Variants in AGO3 observed in about 807,000 individuals in gnomAD.
AGO3 encodes the protein protein argonaute-3.
Under a neutral mutation model 105.5 loss-of-function variants are expected in AGO3, and 16 were observed. The observed-to-expected ratio is 0.15, with a 90% confidence interval of 0.10 to 0.23. AGO3 has a LOEUF of 0.23. Among genes scored for constraint, AGO3 ranks in the 10% least tolerant of loss-of-function variants. AGO3 has a pLI of 1.00. For synonymous variants in AGO3, 340 were observed against 367.3 expected, an observed-to-expected ratio of 0.93 and a Z score of 0.85; for missense variants, 534 against 1,088.0, an observed-to-expected ratio of 0.49 and a Z score of 7.16.
intron 1 of AGO3, among the ~76,000 whole-genome samples, chr1:35,936,224 T>C (rs957887187): frequency 6.6e-6 from 1 of 152,054 alleles, no homozygotes; most frequent in Non-Finnish European, 1.5e-5. Flanking sequence ...TCTGTGTTAA[T>C]ATTAATGACT....
At chr1:36,007,996 A>G (rs958093848) in intron 6 of AGO3, among the ~76,000 whole-genome samples, 1 of 152,200 alleles carries the variant, frequency 6.6e-6, no homozygotes, top group African/African-American at 2.4e-5. Context: ...AATTATGTAT[A>G]TGTGCATTTT....
At chr1:36,032,162 A>C (rs1398029005) in intron 12 of AGO3, among the ~76,000 whole-genome samples, 2 of 152,138 alleles carry the variant, frequency 1.3e-5, no homozygotes, top group Non-Finnish European at 2.9e-5. Flanking sequence ...ACCATTTTAC[A>C]TGCCCACCAA....
In AGO3 at chr1:36,008,726, G is replaced by A. The variant is rs202072346; in HGVS notation, c.830G>A (p.Arg277Lys). 15 of 1,614,128 alleles carry A rather than the reference G, an allele frequency of 9.3e-6. No individual in the cohort carries two copies. The highest frequency in any genetic ancestry group is 1.2e-5 in the Non-Finnish European group (14 of 1,180,034). Residue 277 changes from arginine (R) to lysine (K), a missense_variant, in exon 7 of 19, where the codon AGA becomes AAA. Physicochemically the swap from Arg to Lys is conservative, Grantham distance 26. Around this residue, in one of 2 missense-constraint regions of AGO3, gnomAD observed 373 missense variants for 854.0 expected, o/e 0.44. Coordinates refer to ENST00000373191, the MANE Select transcript of AGO3 (RefSeq NM_024852.4). This position sits in a 1 kb window ranked among gnomAD's most constrained non-coding sequence, Gnocchi z 5.1. ...KVEVTHCGTM[R>K]RKYRVCNVTR... is the part of the protein sequence containing the mutation. The stretch of plus-strand genomic sequence containing the variant: ...GAAGTGACTCATTGTGGAACAATGA[G>A]ACGGAAATACCGTGTTTGTAATGTA...
At chr1:35,950,269 C>G (rs1185941673) in intron 2 of AGO3, among the ~76,000 whole-genome samples, 1 of 151,942 alleles carries the variant, frequency 6.6e-6, no homozygotes, top group Non-Finnish European at 1.5e-5. Flanking sequence ...CATAGTGATT[C>G]TCCTCTAAGT....
rs75942600 is a variant in AGO3, at chr1:35,947,660, C to G, written c.191+1797C>G. ...CTGGATGTTCTAGAGGGCTGTTTTC[C>G]TGAACATGGGTTTTTCAGTGCCGTA... On this transcript the variant is annotated intron_variant, in intron 2 of 18. Transcript: ENST00000373191. Among the ~76,000 whole-genome samples, 1,011 of 152,144 alleles carry G rather than the reference C, an allele frequency of 6.6e-3. 8 individuals carry two copies. The highest frequency in any genetic ancestry group is 0.023 in the African/African-American group (959 of 41,502).
chr1:35,946,453 AT>A (rs1384003780), intron 2 of AGO3, among the ~76,000 whole-genome samples: 1 of 152,186 alleles, frequency 6.6e-6, no homozygotes, highest in East Asian at 1.9e-4. Context: ...TATAAGAGGA[AT>A]TTATGATTGG....
At chr1:36,001,538 G>A (rs972641270) in intron 5 of AGO3, among the ~76,000 whole-genome samples, 1 of 152,112 alleles carries the variant, frequency 6.6e-6, no homozygotes, top group Non-Finnish European at 1.5e-5. Context: ...AAGAGGGGAA[G>A]GGAGTACCTA....
At chr1:36,001,095 G>T (rs1023355128) in intron 5 of AGO3, among the ~76,000 whole-genome samples, 3 of 152,024 alleles carry the variant, frequency 2.0e-5, no homozygotes, top group African/African-American at 7.2e-5. Context: ...AATTAGCCGG[G>T]TGTGGTGGCA....
intron 1 of AGO3, among the ~76,000 whole-genome samples, chr1:35,937,758 A>G (rs989417365): frequency 1.3e-5 from 2 of 152,134 alleles, no homozygotes; most frequent in Non-Finnish European, 1.5e-5. Flanking sequence ...TGGATGTTCT[A>G]TAAGTGATTA....
intron 11 of AGO3, among the ~76,000 whole-genome samples, chr1:36,020,311 A>G (rs1015789144): frequency 2.0e-5 from 3 of 152,188 alleles, no homozygotes; most frequent in Non-Finnish European, 4.4e-5. Flanking sequence ...AGTTCATTCA[A>G]ATTATGTATC....
At chr1:35,940,103 G>C (rs543729673) in intron 1 of AGO3, among the ~76,000 whole-genome samples, 76 of 150,354 alleles carry the variant, frequency 5.1e-4, no homozygotes, top group African/African-American at 1.8e-3. Context: ...GTCTCACTCT[G>C]TTGCCCAGGC....
intron 3 of AGO3, among the ~76,000 whole-genome samples, chr1:35,971,741 G>A (rs1215338445): frequency 6.6e-6 from 1 of 151,888 alleles, no homozygotes; most frequent in African/African-American, 2.4e-5. Flanking sequence ...GTATAGCTTG[G>A]AAATTTATTC....
chr1:36,013,315 A>G (rs921332235), intron 9 of AGO3: 11 of 199,260 alleles, frequency 5.5e-5, no homozygotes, highest in Non-Finnish European at 9.4e-5. Context: ...GGCTTGAGCA[A>G]TCCTCCAGCT....
intron 11 of AGO3, among the ~76,000 whole-genome samples, chr1:36,024,270 C>G (rs1267095875): frequency 6.6e-6 from 1 of 151,814 alleles, no homozygotes; most frequent in Non-Finnish European, 1.5e-5. Context: ...TCCTAAGCAG[C>G]TGGGACTACA....
Position 36,034,310 on chromosome 1 carries a change from T to C in AGO3, c.1728T>C (p.Asn576=). 2 of 1,602,758 alleles carry C rather than the reference T, an allele frequency of 1.2e-6. No individual in the cohort carries two copies. The highest frequency in any genetic ancestry group is 1.7e-6 in the Non-Finnish European group (2 of 1,176,522). The change falls in exon 13 of 19, where the codon AAT becomes AAC. Residue 576 remains asparagine (N), a synonymous_variant. Transcript: ENST00000373191. ...TAAATGTTAAACTCGGAGGGATCAA[T>C]AATATTCTTGTACCTCATCAAAGGT... The part of the protein sequence containing the change: ...LKINVKLGGI[N]NILVPHQRPS...
chr1:36,008,572 T>G lies in AGO3; in HGVS notation c.794-118T>G. ...TCTGGTGTTTATATCATCTTGCCTGTATCACAGAATTTTTTGTCTGTTCAG... is the reference window on the plus strand; with the variant it reads ...TCTGGTGTTTATATCATCTTGCCTGGATCACAGAATTTTTTGTCTGTTCAG... On this transcript the variant is annotated intron_variant, in intron 6 of 18. Coordinates refer to ENST00000373191, the MANE Select transcript of AGO3 (RefSeq NM_024852.4). The surrounding 1 kb of genome is among the most constrained non-coding windows in gnomAD (Gnocchi z 5.1). 1 of 844,444 alleles carries G rather than the reference T, an allele frequency of 1.2e-6. No individual in the cohort carries two copies. Among genetic ancestry groups the G allele is most frequent in the Non-Finnish European group, 1.8e-6 (1 of 541,060 alleles). 52.3% of individuals were successfully genotyped at this position (844,444 alleles called of 1,614,324 possible). A position where few individuals can be genotyped will look rare whatever the true frequency, so the allele number is the denominator to read the frequency against.
At chr1:35,957,232 C>G (rs2148760912) in intron 2 of AGO3, among the ~76,000 whole-genome samples, 1 of 151,164 alleles carries the variant, frequency 6.6e-6, no homozygotes, top group East Asian at 2.0e-4. Flanking sequence ...TGCCTGTAAT[C>G]CCAGCTTGGA....
chr1:35,945,965 T>G (rs1646356582), intron 2 of AGO3, 102 bp downstream of exon 2: 7 of 1,221,814 alleles, frequency 5.7e-6, no homozygotes, highest in East Asian at 5.2e-5. Flanking sequence ...GTGTAACAGT[T>G]TGACCAAAAA....
At chr1:35,987,510 A>C (rs185474074) in intron 5 of AGO3, among the ~76,000 whole-genome samples, 1 of 151,956 alleles carries the variant, frequency 6.6e-6, no homozygotes, top group Non-Finnish European at 1.5e-5. Context: ...AAGCAAAAGG[A>C]TATGTTATTA....
Sources: gnomAD v4.1 joint callset for allele counts (sites outside exome capture counted in the v4.1 genomes callset) on GRCh38, gnomAD v4.1.1 for gene constraint, gnomAD v4.1.1 regional missense constraint, Gnocchi (gnomAD v3.1) non-coding constraint, MANE v1.5 for transcripts, NCBI Gene and HGNC (gene_info 2026-07-23, HGNC 2026-07-21) for gene names.